The following HECW1 variants were observed in gnomAD, a reference collection of about 807,000 sequenced individuals.
HECW1 encodes the protein E3 ubiquitin-protein ligase HECW1.
HECW1 carries 61 observed loss-of-function variants against 182.3 expected under a neutral mutation model. That is an observed-to-expected ratio of 0.33 (90% confidence interval 0.27 to 0.41). The LOEUF is 0.41. HECW1 is among the 10% of genes least tolerant of loss of function. The pLI is 1.00. For missense variants in HECW1, 1,739 were observed against 2,108.9 expected, an observed-to-expected ratio of 0.82 and a Z score of 3.44; for synonymous variants, 859 against 832.6, an observed-to-expected ratio of 1.03 and a Z score of -0.55.
At chr7:43,240,793 A>G (rs1040092212) in intron 2 of HECW1, among the ~76,000 whole-genome samples, 3 of 152,130 alleles carry the variant, frequency 2.0e-5, no homozygotes, top group African/African-American at 7.2e-5. Flanking sequence ...TGCAGGGCAT[A>G]AGCAGGGTGC....
intron 8 of HECW1, among the ~76,000 whole-genome samples, chr7:43,431,285 A>C (rs1407687436): frequency 6.6e-6 from 1 of 152,084 alleles, no homozygotes; most frequent in Non-Finnish European, 1.5e-5. Context: ...TTCCATGCCC[A>C]GGCCTCTATT....
intron 5 of HECW1, among the ~76,000 whole-genome samples, chr7:43,358,419 C>T (rs1815431380): frequency 6.6e-6 from 1 of 152,030 alleles, no homozygotes; most frequent in South Asian, 2.1e-4. Context: ...CTTGAAAAGA[C>T]AATCAACAGA....
chr7:43,284,502 CAA>C (rs1165081149), intron 3 of HECW1, among the ~76,000 whole-genome samples: 144 of 53,768 alleles, frequency 2.7e-3, no homozygotes, highest in African/African-American at 6.5e-3. Context: ...CCCATTTCTA[CAA>C]AAAAAAAAAA....
chr7:43,444,531 C>A lies in HECW1; in HGVS notation c.1359C>A (p.Pro453=). ...TGCAAAAGGACATCCAGCCTGCCCC[C>A]AGTGCAGAAGAGCTGGCCGAGCAGC... ...AQVQKDIQPA[P]SAEELAEQLD... is the part of the protein sequence containing the mutation. Residue 453 remains proline (P), a synonymous_variant, in exon 11 of 30, where the codon CCC becomes CCA. Transcript: ENST00000395891. This position sits in a 1 kb window ranked among gnomAD's most constrained non-coding sequence, Gnocchi z 4.3. The A allele has an allele frequency of 6.2e-7, 1 of 1,611,390 alleles. No homozygotes were observed. The highest frequency in any genetic ancestry group is 2.2e-5 in the East Asian group (1 of 44,782).
At chr7:43,456,498 T>A in intron 13 of HECW1, 51 bp downstream of exon 13, 1 of 1,560,816 alleles carries the variant, frequency 6.4e-7, no homozygotes, top group Non-Finnish European at 8.7e-7. Flanking sequence ...GAAAGGAGAA[T>A]GGCAGCTAGA....
intron 13 of HECW1, among the ~76,000 whole-genome samples, chr7:43,462,972 C>T (rs2077640445): frequency 6.6e-6 from 1 of 152,184 alleles, no homozygotes; most frequent in Admixed American, 6.5e-5. Flanking sequence ...TTTGTTACAT[C>T]TCGACTGTGT....
chr7:43,486,298 T>A (rs1282269949), intron 17 of HECW1, among the ~76,000 whole-genome samples: 1 of 152,134 alleles, frequency 6.6e-6, no homozygotes, highest in Non-Finnish European at 1.5e-5. Context: ...TCGATTTTTT[T>A]TTTTTTGAGA....
intron 2 of HECW1, among the ~76,000 whole-genome samples, chr7:43,116,764 G>A (rs889242638): frequency 2.0e-5 from 3 of 152,210 alleles, no homozygotes; most frequent in African/African-American, 7.2e-5. Flanking sequence ...AGAGAAAACA[G>A]TATGAAATGC....
At chr7:43,482,188 C>T (rs1366121644) in intron 17 of HECW1, among the ~76,000 whole-genome samples, 1 of 151,986 alleles carries the variant, frequency 6.6e-6, no homozygotes, top group East Asian at 1.9e-4. Context: ...GAGAGAGAAG[C>T]CAAGAGGCAG....
chr7:43,522,965 T>C (rs2080565955), intron 24 of HECW1: 5 of 415,854 alleles, frequency 1.2e-5, no homozygotes, highest in South Asian at 5.4e-5. Flanking sequence ...CTACTCTTTG[T>C]ACTGTGTGTT....
At chr7:43,125,559 A>AG (rs1452141202) in intron 2 of HECW1, among the ~76,000 whole-genome samples, 1 of 151,918 alleles carries the variant, frequency 6.6e-6, no homozygotes. Flanking sequence ...GTTCGAGACC[A>AG]GCCTGGCCAA....
chr7:43,139,162 G>A (rs1003149123), intron 2 of HECW1, among the ~76,000 whole-genome samples: 10 of 152,098 alleles, frequency 6.6e-5, no homozygotes, highest in African/African-American at 1.7e-4. Context: ...CCTCTAGGAG[G>A]GAAATACTGA....
intron 2 of HECW1, among the ~76,000 whole-genome samples, chr7:43,242,980 G>A (rs569486149): frequency 1.3e-5 from 2 of 152,240 alleles, no homozygotes; most frequent in African/African-American, 4.8e-5. Context: ...CATAATCTCT[G>A]CACCCAGAAT....
At chr7:43,338,575 G>A (rs1055702574) in intron 5 of HECW1, among the ~76,000 whole-genome samples, 5 of 152,164 alleles carry the variant, frequency 3.3e-5, no homozygotes, top group African/African-American at 1.2e-4. Flanking sequence ...TGTATGCAAT[G>A]AGACTGTCAA....
At chr7:43,184,020 ATTT>A (rs199755723) in intron 2 of HECW1, among the ~76,000 whole-genome samples, 2 of 149,824 alleles carry the variant, frequency 1.3e-5, no homozygotes, top group African/African-American at 2.5e-5. Flanking sequence ...TATTATTATT[ATTT>A]TTTTTTTTGA....
intron 8 of HECW1, among the ~76,000 whole-genome samples, chr7:43,431,664 A>T (rs1406566974): frequency 6.6e-6 from 1 of 152,152 alleles, no homozygotes; most frequent in Admixed American, 6.5e-5. Flanking sequence ...TGCCTTCAGG[A>T]TAAGTCCAAG....
At chr7:43,138,448 TTTC>T (rs1345335662) in intron 2 of HECW1, among the ~76,000 whole-genome samples, 1 of 152,202 alleles carries the variant, frequency 6.6e-6, no homozygotes, top group African/African-American at 2.4e-5. Flanking sequence ...ACCGGGTGGT[TTTC>T]TTCTGGGAGT....
At chr7:43,284,246 C>T (rs567768954) in intron 3 of HECW1, among the ~76,000 whole-genome samples, 7 of 152,182 alleles carry the variant, frequency 4.6e-5, no homozygotes, top group African/African-American at 1.7e-4. Context: ...AAATGAAAAT[C>T]ATATTTCTTT....
chr7:43,472,205 A>G (rs2152901644), intron 16 of HECW1, among the ~76,000 whole-genome samples: 1 of 152,302 alleles, frequency 6.6e-6, no homozygotes, highest in East Asian at 1.9e-4. Flanking sequence ...GAAGGAAGGA[A>G]CCAGATTTCA....
Sources: allele counts gnomAD v4.1 joint callset (sites outside exome capture counted in the v4.1 genomes callset), GRCh38; gene constraint gnomAD v4.1.1; non-coding constraint Gnocchi (gnomAD v3.1); transcripts MANE v1.5; gene names NCBI Gene and HGNC (gene_info 2026-07-23, HGNC 2026-07-21).